The following FIP1L1 variants were observed in gnomAD, a reference collection of about 807,000 sequenced individuals.
The protein encoded by FIP1L1 is factor interacting with PAPOLA and CPSF1.
FIP1L1 carries 21 observed loss-of-function variants against 84.6 expected under a neutral mutation model. The ratio of observed to expected loss-of-function variants is 0.25; its 90% CI spans 0.18 to 0.36. FIP1L1 has a LOEUF of 0.36. Among genes scored for constraint, FIP1L1 ranks in the 10% least tolerant of loss-of-function variants. The probability of loss-of-function intolerance (pLI) is 1.00; values close to 1 mark genes in which losing one functional copy is unlikely to be tolerated. For missense variants in FIP1L1, 526 were observed against 751.1 expected, an observed-to-expected ratio of 0.70 and a Z score of 3.50; for synonymous variants, 263 against 242.3, an observed-to-expected ratio of 1.09 and a Z score of -0.80.
chr4:53,394,329 G>A (rs752596315), intron 9 of FIP1L1, among the ~76,000 whole-genome samples: 8 of 152,098 alleles, frequency 5.3e-5, no homozygotes, highest in African/African-American at 1.2e-4. Context: ...CTCATGTAAC[G>A]GTGGGCTGCT....
At chr4:53,433,371 G>A (rs546391651) in intron 13 of FIP1L1, among the ~76,000 whole-genome samples, 4 of 152,150 alleles carry the variant, frequency 2.6e-5, no homozygotes, top group African/African-American at 7.2e-5. Flanking sequence ...CATATAAGTG[G>A]AATCATGCAT....
chr4:53,415,289 A>G (rs1417305835), intron 11 of FIP1L1, among the ~76,000 whole-genome samples: 4 of 152,174 alleles, frequency 2.6e-5, no homozygotes, highest in African/African-American at 9.7e-5. Flanking sequence ...TTTACACAGC[A>G]TACAACCTCG....
chr4:53,442,764 A>G (rs1012741843), intron 14 of FIP1L1, 57 bp downstream of exon 14: 13 of 938,488 alleles, frequency 1.4e-5, no homozygotes, highest in East Asian at 2.4e-5. Flanking sequence ...CAGAAGAACC[A>G]TATACTTGGA....
At chr4:53,393,677 C>G (rs1160650222) in intron 9 of FIP1L1, among the ~76,000 whole-genome samples, 1 of 149,478 alleles carries the variant, frequency 6.7e-6, no homozygotes, top group Non-Finnish European at 1.5e-5. Flanking sequence ...GAATAGATAA[C>G]ATGTATGTAT....
intron 13 of FIP1L1, among the ~76,000 whole-genome samples, chr4:53,439,404 G>A (rs1234447193): frequency 1.3e-5 from 2 of 151,958 alleles, no homozygotes; most frequent in Admixed American, 6.6e-5. Flanking sequence ...AAAATCAGGT[G>A]CTTTGGTCTC....
chr4:53,410,170 A>G (rs1232067854), intron 10 of FIP1L1, among the ~76,000 whole-genome samples: 2 of 152,218 alleles, frequency 1.3e-5, no homozygotes, highest in Admixed American at 6.5e-5. Flanking sequence ...CGCACATCAC[A>G]GTCAGATAGA....
intron 12 of FIP1L1, 151 bp downstream of exon 12, chr4:53,426,116 G>T: frequency 4.3e-6 from 2 of 466,296 alleles, no homozygotes; most frequent in South Asian, 4.8e-5. Flanking sequence ...TATTATAAAG[G>T]CATTTCCAGT....
chr4:53,392,343 C>G (rs1296117532), intron 9 of FIP1L1, among the ~76,000 whole-genome samples: 3 of 152,206 alleles, frequency 2.0e-5, no homozygotes, highest in Non-Finnish European at 4.4e-5. Flanking sequence ...GCAGCCCTGT[C>G]CACCAGAATA....
At position 53,389,789 on chromosome 4, in the gene FIP1L1, T is replaced by TTTTG. The variant is rs757196045; in HGVS notation, c.333-8_333-5dup. ...GCTTTTCAGGATAATTTCTGTTTTT[T>TTTTG]TTTGTTTGTTTGTTTTTAGGAGTTA... On this transcript the variant is annotated intron_variant, in intron 5 of 17. Coordinates refer to ENST00000337488, the MANE Select transcript of FIP1L1 (RefSeq NM_030917.4). 1 of 1,589,580 alleles carries TTTTG rather than the reference T, an allele frequency of 6.3e-7. No individual in the cohort carries two copies. The highest frequency in any genetic ancestry group is 8.6e-7 in the Non-Finnish European group (1 of 1,168,792).
intron 5 of FIP1L1, among the ~76,000 whole-genome samples, chr4:53,385,595 A>G (rs1032412044): frequency 1.3e-5 from 2 of 152,122 alleles, no homozygotes; most frequent in African/African-American, 4.8e-5. Flanking sequence ...GTTATTGACT[A>G]AATAAACTGA....
intron 1 of FIP1L1, 171 bp from the exon 2 acceptor site, chr4:53,378,902 C>CT (rs1269334226): frequency 1.6e-5 from 11 of 676,724 alleles, no homozygotes; most frequent in Non-Finnish European, 2.7e-5. Flanking sequence ...GCATTAGTTA[C>CT]TACTCTTTGA....
chr4:53,423,769 T>C (rs1447812816), intron 11 of FIP1L1, among the ~76,000 whole-genome samples: 1 of 152,214 alleles, frequency 6.6e-6, no homozygotes, highest in East Asian at 1.9e-4. Context: ...GATTTCTCAG[T>C]TATATGTTTT....
At chr4:53,419,187 T>C (rs1043678454) in intron 11 of FIP1L1, among the ~76,000 whole-genome samples, 2 of 152,206 alleles carry the variant, frequency 1.3e-5, no homozygotes, top group Non-Finnish European at 2.9e-5. Flanking sequence ...AACACACTTA[T>C]GTCCTCCAGT....
At chr4:53,389,116 C>T (rs1276308341) in intron 5 of FIP1L1, among the ~76,000 whole-genome samples, 1 of 152,146 alleles carries the variant, frequency 6.6e-6, no homozygotes, top group African/African-American at 2.4e-5. Flanking sequence ...ATTAACCACC[C>T]ACCACCGGCA....
intron 10 of FIP1L1, among the ~76,000 whole-genome samples, 173 bp downstream of exon 10, chr4:53,400,012 A>G (rs17082702): frequency 0.018 from 2,746 of 152,312 alleles, 83 homozygotes; most frequent in African/African-American, 0.063. Flanking sequence ...TTTTCCATCT[A>G]AAAAGCCTAG....
At chr4:53,407,959 C>G (rs1178902533) in intron 10 of FIP1L1, among the ~76,000 whole-genome samples, 1 of 152,170 alleles carries the variant, frequency 6.6e-6, no homozygotes. Context: ...ATTTGCCAGT[C>G]TGTGTCTTTT....
At chr4:53,386,922 T>A (rs1741399581) in intron 5 of FIP1L1, among the ~76,000 whole-genome samples, 1 of 152,216 alleles carries the variant, frequency 6.6e-6, no homozygotes, top group African/African-American at 2.4e-5. Flanking sequence ...AAAGGGGCTT[T>A]ACTGGCCTAA....
At chr4:53,444,790 T>C (rs754889975) in intron 15 of FIP1L1, among the ~76,000 whole-genome samples, 1 of 152,108 alleles carries the variant, frequency 6.6e-6, no homozygotes, top group Non-Finnish European at 1.5e-5. Flanking sequence ...TAGGCTGGTC[T>C]TGAACTCCTG....
intron 9 of FIP1L1, among the ~76,000 whole-genome samples, chr4:53,392,293 T>C (rs1014685709): frequency 2.0e-5 from 3 of 152,270 alleles, no homozygotes; most frequent in Non-Finnish European, 2.9e-5. Flanking sequence ...CAGGGAACTT[T>C]AGTGGACTGG....
Sources: gnomAD v4.1 joint callset for allele counts (sites outside exome capture counted in the v4.1 genomes callset) on GRCh38, gnomAD v4.1.1 for gene constraint, MANE v1.5 for transcripts, NCBI Gene and HGNC (gene_info 2026-07-23, HGNC 2026-07-21) for gene names.